PHRF1: variants seen among roughly 807,000 people sequenced by gnomAD.
The protein encoded by PHRF1 is PHD and ring finger domains 1, also known as PHD and RING finger domain-containing protein 1.
PHRF1 carries 53 observed loss-of-function variants against 128.9 expected under a neutral mutation model. The ratio of observed to expected loss-of-function variants is 0.41; its 90% CI spans 0.33 to 0.52. The LOEUF (loss-of-function observed/expected upper bound fraction) is 0.52, where lower values mean the gene tolerates loss of function less well. PHRF1 is among the 20% of genes least tolerant of loss of function. The pLI is 0.21. For synonymous variants in PHRF1, 1,178 were observed against 980.6 expected (o/e 1.20, Z -3.76); for missense variants, 2,503 against 2,284.5 (o/e 1.10, Z -1.95).
chr11:603,413 C>A (rs11825714), intron 10 of PHRF1, among the ~76,000 whole-genome samples: 150,505 of 152,122 alleles, frequency 0.99, 74,469 homozygotes, highest in Middle Eastern at 1. Flanking sequence ...GCTCACTGCA[C>A]CCGCCTTGAC....
At position 597,759 on chromosome 11, in the gene PHRF1, G is replaced by A. The variant is rs1855383773; in HGVS notation, c.894+189G>A. The stretch of plus-strand genomic sequence containing the variant: ...GGTGACCCCAGCGGCCCAAGGTGGG[G>A]CTGCCTCTGAGCACCTGGAGCCAGG... On this transcript the variant is annotated intron_variant, in intron 8 of 17. Coordinates refer to ENST00000264555, the MANE Select transcript of PHRF1 (RefSeq NM_001286581.2). This position sits in a 1 kb window ranked among gnomAD's most constrained non-coding sequence, Gnocchi z 6.5. 6.6e-6 allele frequency among the ~76,000 whole-genome samples: 1 copy of A among 152,158 alleles called. No homozygotes were observed. Among genetic ancestry groups the A allele is most frequent in the African/African-American group, 2.4e-5 (1 of 41,434 alleles).
intron 9 of PHRF1, among the ~76,000 whole-genome samples, chr11:599,449 C>G (rs1190812652): frequency 6.6e-6 from 1 of 151,904 alleles, no homozygotes; most frequent in Non-Finnish European, 1.5e-5. Context: ...TGGGGCTTCA[C>G]CATGTTGGCC....
chr11:593,249 GCTTT>G (rs1437850382), intron 6 of PHRF1, among the ~76,000 whole-genome samples: 2 of 152,252 alleles, frequency 1.3e-5, no homozygotes, highest in Admixed American at 6.5e-5. Context: ...CCTGCGAGGG[GCTTT>G]CCCTGTTGAT....
At chr11:602,849 A>C (rs999235808) in intron 10 of PHRF1, among the ~76,000 whole-genome samples, 1 of 142,984 alleles carries the variant, frequency 7.0e-6, no homozygotes, top group South Asian at 2.3e-4. Context: ...TGCACCCTCC[A>C]CCTCCCGGGT....
chr11:600,055 C>T (rs1300835462), intron 9 of PHRF1, among the ~76,000 whole-genome samples: 1 of 151,770 alleles, frequency 6.6e-6, no homozygotes, highest in Non-Finnish European at 1.5e-5. Flanking sequence ...GTGCAGTGAG[C>T]TCATTTGTGT....
In PHRF1 at chr11:609,547, C is replaced by T. The variant is rs757261101; in HGVS notation, c.4091C>T (p.Ala1364Val). Residue 1364 changes from alanine to valine, a missense_variant, in exon 14 of 18, where the codon GCG becomes GTG. Physicochemically the swap from Ala to Val is moderately conservative, Grantham distance 64 (BLOSUM62 0). Transcript: ENST00000264555. The part of the protein sequence containing the change: ...KAEAPSSPDV[A>V]PAGKEDSPSA... ...GAGGCACCCAGTTCCCCGGATGTGG[C>T]GCCTGCGGGGAAGGAAGACAGCCCC... is the stretch of plus-strand genomic sequence containing the variant. 26 of 1,598,892 alleles carry T rather than the reference C, an allele frequency of 1.6e-5. No homozygotes were observed. The highest frequency in any genetic ancestry group is 1.3e-4 in the African/African-American group (10 of 74,758).
At chr11:603,375 C>T (rs1057390818) in intron 10 of PHRF1, among the ~76,000 whole-genome samples, 3 of 152,082 alleles carry the variant, frequency 2.0e-5, no homozygotes, top group Admixed American at 6.6e-5. Context: ...TTCTGTTACC[C>T]GGGCTGGAGT....
At chr11:584,618 A>G (rs1240995141) in intron 3 of PHRF1, among the ~76,000 whole-genome samples, 1 of 149,488 alleles carries the variant, frequency 6.7e-6, no homozygotes, top group Non-Finnish European at 1.5e-5. Context: ...AGACAGGTTT[A>G]TGGAGACCTG....
rs1564841248 is a variant in PHRF1, at chr11:585,605, TTC to T, written c.215-1653_215-1652del. Among the ~76,000 whole-genome samples, 87 of 110,244 alleles carry T rather than the reference TTC, an allele frequency of 7.9e-4. 5 individuals are homozygous for T. Among genetic ancestry groups the T allele is most frequent in the Admixed American group, 1.0e-3 (11 of 10,576 alleles). 72.3% of individuals were successfully genotyped at this position (110,244 alleles called of 152,430 possible). A position where few individuals can be genotyped will look rare whatever the true frequency, so the allele number is the denominator to read the frequency against. ...CTTTCCAGCTTGAGGTAGTAGCCCT[TTC>T]CAGCTTGAGGTAGTAGCCCTTTCCA... is the stretch of plus-strand genomic sequence containing the variant. On this transcript the variant is annotated intron_variant, in intron 3 of 17. Coordinates refer to ENST00000264555, the MANE Select transcript of PHRF1 (RefSeq NM_001286581.2).
Position 597,663 on chromosome 11 carries a change from T to A in PHRF1, c.894+93T>A. The A allele has an allele frequency of 6.9e-7, 1 of 1,450,838 alleles. No individual in the cohort carries two copies. The allele number at this position is 1,450,838 out of a possible 1,614,324, so 89.9% of individuals were successfully genotyped here. Reference sequence around the variant, plus strand: ...TGGGTGGGAGGGGCGTCGTCGGCACTGTGGGGTCCGCCCGGCCCCGGTGGC... The same window carrying A: ...TGGGTGGGAGGGGCGTCGTCGGCACAGTGGGGTCCGCCCGGCCCCGGTGGC... On this transcript the variant is annotated intron_variant, in intron 8 of 17. Transcript: ENST00000264555. The surrounding 1 kb of genome is among the most constrained non-coding windows in gnomAD (Gnocchi z 6.5).
chr11:592,815 T>G, intron 6 of PHRF1, 141 bp downstream of exon 6: 124 of 871,252 alleles, frequency 1.4e-4, no homozygotes, highest in Non-Finnish European at 2.1e-4. Flanking sequence ...GCAGCGCGGT[T>G]CAGTCCTGCG....
chr11:587,513 T>C (rs751280091), intron 4 of PHRF1, 49 bp downstream of exon 4: 9 of 1,574,756 alleles, frequency 5.7e-6, no homozygotes, highest in Non-Finnish European at 4.4e-6. Flanking sequence ...ATGGCCTCCC[T>C]GTTTATAGGT....
chr11:585,589 T>A (rs111729822), intron 3 of PHRF1, among the ~76,000 whole-genome samples: 1,164 of 45,248 alleles, frequency 0.026, 20 homozygotes, highest in Non-Finnish European at 0.029. Context: ...CCTTTCCAGC[T>A]TGAGGTAGTA....
At position 591,389 on chromosome 11, in the gene PHRF1, C is replaced by A; in HGVS notation, c.426C>A (p.Ala142=). The A allele has an allele frequency of 6.2e-7, 1 of 1,606,680 alleles. No homozygotes were observed. Among genetic ancestry groups the A allele is most frequent in the Non-Finnish European group, 8.5e-7 (1 of 1,176,688 alleles). ...CCTGTTTTTATTTCTCACAGAATGCCAATTCCTGTCCAGTTGATCGAACTC... is the reference window on the plus strand; with the variant it reads ...CCTGTTTTTATTTCTCACAGAATGCAAATTCCTGTCCAGTTGATCGAACTC... The part of the protein sequence containing the change: ...LDCIVEWSKN[A]NSCPVDRTLF... Residue 142 remains alanine, a synonymous_variant, in exon 5 of 18, where the codon GCC becomes GCA. Coordinates refer to ENST00000264555, the MANE Select transcript of PHRF1 (RefSeq NM_001286581.2).
At chr11:610,045 C>G in intron 14 of PHRF1, 151 bp from the exon 15 acceptor site, 2 of 1,079,356 alleles carry the variant, frequency 1.9e-6, no homozygotes, top group Non-Finnish European at 2.6e-6. Flanking sequence ...GCTGGCACAC[C>G]TCGCAACCTC....
chr11:588,140 C>T (rs1213956176), intron 4 of PHRF1, among the ~76,000 whole-genome samples: 2 of 152,154 alleles, frequency 1.3e-5, no homozygotes, highest in Non-Finnish European at 2.9e-5. Flanking sequence ...GTGCTGTCCC[C>T]GGCTCTCTTC....
chr11:583,364 A>G (rs183291538), intron 3 of PHRF1, among the ~76,000 whole-genome samples: 4 of 150,562 alleles, frequency 2.7e-5, no homozygotes, highest in African/African-American at 9.8e-5. Flanking sequence ...AAACCCCACC[A>G]AAATTAGCCG....
At position 609,351 on chromosome 11, in the gene PHRF1, C is replaced by T; in HGVS notation, c.3895C>T (p.Pro1299Ser). The change falls in exon 14 of 18, where the codon CCG becomes TCG. Residue 1299 changes from proline to serine, a missense_variant. Transcript: ENST00000264555. ...PPSPESTDSSPERDFPLKPAL... is the reference protein window; with the variant it reads ...PPSPESTDSSSERDFPLKPAL... ...TTCTCCCGAAAGCACAGACTCTTCCCCGGAGCGAGACTTCCCACTGAAGCC... is the reference window on the plus strand; with the variant it reads ...TTCTCCCGAAAGCACAGACTCTTCCTCGGAGCGAGACTTCCCACTGAAGCC... The T allele has an allele frequency of 6.2e-7, 1 of 1,612,398 alleles. No individual in the cohort carries two copies. Among genetic ancestry groups the T allele is most frequent in the Non-Finnish European group, 8.5e-7 (1 of 1,179,864 alleles).
chr11:598,242 A>T (rs1855413064), intron 8 of PHRF1, 131 bp from the exon 9 acceptor site: 1 of 1,277,204 alleles, frequency 7.8e-7, no homozygotes, highest in African/African-American at 1.5e-5. Context: ...TGGCTGCTGC[A>T]GTGGCGGGTG....
Sources: allele counts gnomAD v4.1 joint callset (sites outside exome capture counted in the v4.1 genomes callset), GRCh38; gene constraint gnomAD v4.1.1; non-coding constraint Gnocchi (gnomAD v3.1); transcripts MANE v1.5; gene names NCBI Gene and HGNC (gene_info 2026-07-23, HGNC 2026-07-21).